The following SNX16 variants were observed in gnomAD, a reference collection of about 807,000 sequenced individuals.
SNX16 encodes sorting nexin 16, also known as sorting nexin-16.
SNX16 carries 35 observed loss-of-function variants against 36.7 expected under a neutral mutation model. That is an observed-to-expected ratio of 0.95 (90% CI 0.73 to 1.27). The LOEUF is 1.27. SNX16 is among the 50% of genes most tolerant of loss of function. The pLI is 0.00. For missense variants in SNX16, 367 were observed against 393.6 expected, an observed-to-expected ratio of 0.93 and a Z score of 0.57; for synonymous variants, 134 against 132.0, an observed-to-expected ratio of 1.02 and a Z score of -0.10.
At chr8:81,806,388 A>G (rs954773536) in intron 5 of SNX16, among the ~76,000 whole-genome samples, 1 of 152,180 alleles carries the variant, frequency 6.6e-6, no homozygotes, top group Non-Finnish European at 1.5e-5. Context: ...GTAATTTACC[A>G]CACCAATAGA....
chr8:81,814,901 A>T (rs1295404835), intron 5 of SNX16: 1 of 152,388 alleles, frequency 6.6e-6, no homozygotes, highest in Non-Finnish European at 1.5e-5. Context: ...TTTGAGAAGC[A>T]TCAGGCACAA....
At chr8:81,841,115 T>C (rs111801710) in intron 1 of SNX16, among the ~76,000 whole-genome samples, 37,741 of 152,026 alleles carry the variant, frequency 0.25, 5,239 homozygotes, top group East Asian at 0.37. Context: ...ATGAAGCGGG[T>C]GGATCGCCTG....
At chr8:81,816,423 C>A (rs1458509788) in intron 4 of SNX16, among the ~76,000 whole-genome samples, 1 of 151,854 alleles carries the variant, frequency 6.6e-6, no homozygotes, top group Non-Finnish European at 1.5e-5. Context: ...CTCCTGACCT[C>A]AGGTGATCCG....
In SNX16 at chr8:81,812,620, C is replaced by T. The variant is rs150251471; in HGVS notation, c.681+2705G>A. Among the ~76,000 whole-genome samples the T allele has an allele frequency of 1.3e-3, 196 of 152,016 alleles. 2 individuals are homozygous for T. Among genetic ancestry groups the T allele is most frequent in the Non-Finnish European group, 2.4e-3 (166 of 67,886 alleles). The stretch of plus-strand genomic sequence containing the variant: ...TGTGAGAATTTGTTGCTAGCAGACC[C>T]GTCTTACAAGAAAAACTAAACGAAG... On this transcript the variant is annotated intron_variant, in intron 5 of 7. Transcript: ENST00000345957.
chr8:81,832,188 A>G (rs957109701), intron 2 of SNX16, among the ~76,000 whole-genome samples: 2 of 152,240 alleles, frequency 1.3e-5, no homozygotes, highest in African/African-American at 4.8e-5. Flanking sequence ...GATAGATTTG[A>G]TAAGGAAAAT....
In SNX16 at chr8:81,803,561, A is replaced by G. The variant is rs187958923; in HGVS notation, c.682-333T>C. On this transcript the variant is annotated intron_variant, in intron 5 of 7. Transcript: ENST00000345957. ...ATTGGCAACTACTGCTTTAGTTTTTACTCTCTTTAATCTACTTTTGCCTAG... is the reference window on the plus strand; with the variant it reads ...ATTGGCAACTACTGCTTTAGTTTTTGCTCTCTTTAATCTACTTTTGCCTAG... Among the ~76,000 whole-genome samples the G allele has an allele frequency of 2.0e-5, 3 of 152,032 alleles. No individual in the cohort carries two copies. In the East Asian group the frequency reaches 5.8e-4, roughly 29 times the overall value.
intron 2 of SNX16, among the ~76,000 whole-genome samples, chr8:81,836,750 C>T (rs1050428888): frequency 6.6e-6 from 1 of 152,244 alleles, no homozygotes; most frequent in African/African-American, 2.4e-5. Context: ...GACTGTCCCC[C>T]ATCTCGACCA....
At chr8:81,833,599 A>G (rs963304213) in intron 2 of SNX16, among the ~76,000 whole-genome samples, 1 of 152,212 alleles carries the variant, frequency 6.6e-6, no homozygotes, top group Admixed American at 6.5e-5. Flanking sequence ...GATACAGGAT[A>G]AAAGTGCACT....
chr8:81,837,424 A>G (rs184875332), intron 2 of SNX16, among the ~76,000 whole-genome samples: 2 of 152,222 alleles, frequency 1.3e-5, no homozygotes, highest in African/African-American at 2.4e-5. Context: ...TAGGTCTGTT[A>G]TAACAAAATA....
chr8:81,836,770 C>T lies in SNX16; in HGVS notation c.375+2842G>A, dbSNP rs192812828. ...TCCCCCATCTCGACCAAACCAGTCT[C>T]AATTCAGTAGCCAGAATGAACTTTT... is the stretch of plus-strand genomic sequence containing the variant. On this transcript the variant is annotated intron_variant, in intron 2 of 7. Transcript: ENST00000345957. Among the ~76,000 whole-genome samples the T allele has an allele frequency of 2.8e-3, 428 of 152,340 alleles. 1 individual carries two copies. Among genetic ancestry groups the T allele is most frequent in the Middle Eastern group, 0.01 (3 of 294 alleles).
At chr8:81,818,198 C>G (rs1038888012) in intron 4 of SNX16, among the ~76,000 whole-genome samples, 6 of 151,996 alleles carry the variant, frequency 3.9e-5, no homozygotes, top group African/African-American at 1.2e-4. Context: ...GTAGCAAAAA[C>G]CATCCAACCA....
At chr8:81,824,788 A>G (rs972441048) in intron 3 of SNX16, among the ~76,000 whole-genome samples, 1 of 152,188 alleles carries the variant, frequency 6.6e-6, no homozygotes, top group African/African-American at 2.4e-5. Flanking sequence ...TCTTAATATT[A>G]AGCTCACAGA....
chr8:81,809,356 T>C (rs774467), intron 5 of SNX16, among the ~76,000 whole-genome samples: 37,578 of 151,944 alleles, frequency 0.25, 5,211 homozygotes, highest in East Asian at 0.37. Context: ...AATTGAGTAA[T>C]GGTACCAGAT....
At chr8:81,840,460 A>G (rs1586029997) in intron 1 of SNX16, 1 of 152,944 alleles carries the variant, frequency 6.5e-6, no homozygotes, top group Non-Finnish European at 1.5e-5. Flanking sequence ...TCAGTACAAG[A>G]GAGAAAAAAG....
chr8:81,808,270 C>T, intron 5 of SNX16: 1 of 1,161,216 alleles, frequency 8.6e-7, no homozygotes. Context: ...CATTCAGAAA[C>T]ACTATACCAT....
chr8:81,838,636 G>A (rs935901295), intron 2 of SNX16, among the ~76,000 whole-genome samples: 4 of 150,678 alleles, frequency 2.7e-5, no homozygotes, highest in African/African-American at 9.7e-5. Context: ...CAATTCTGGT[G>A]GTTTACGAAT....
intron 2 of SNX16, among the ~76,000 whole-genome samples, chr8:81,838,952 G>T (rs1811615165): frequency 1.3e-5 from 2 of 151,984 alleles, no homozygotes; most frequent in South Asian, 4.1e-4. Context: ...ATCATGCACA[G>T]ATATTTCACA....
At chr8:81,821,832 A>C (rs1810762282) in intron 4 of SNX16, among the ~76,000 whole-genome samples, 2 of 152,184 alleles carry the variant, frequency 1.3e-5, no homozygotes, top group African/African-American at 4.8e-5. Flanking sequence ...TAAAATAGCC[A>C]CATGACCTGT....
chr8:81,816,413 C>T (rs1320592861), intron 4 of SNX16, among the ~76,000 whole-genome samples: 1 of 151,934 alleles, frequency 6.6e-6, no homozygotes, highest in Non-Finnish European at 1.5e-5. Flanking sequence ...TGGTCTCCCA[C>T]TCCTGACCTC....
Sources: allele counts gnomAD v4.1 joint callset (sites outside exome capture counted in the v4.1 genomes callset), GRCh38; gene constraint gnomAD v4.1.1; transcripts MANE v1.5; gene names NCBI Gene and HGNC (gene_info 2026-07-23, HGNC 2026-07-21).